Variants in CLSTN2 observed in about 807,000 individuals in gnomAD.
CLSTN2 encodes the protein calsyntenin-2.
Under a neutral mutation model 101.2 loss-of-function variants are expected in CLSTN2, and 48 were observed. The ratio of observed to expected loss-of-function variants is 0.47; its 90% CI spans 0.38 to 0.60. The LOEUF (loss-of-function observed/expected upper bound fraction) is 0.60. Among genes scored for constraint, CLSTN2 ranks in the 20% least tolerant of loss-of-function variants. The probability of loss-of-function intolerance (pLI) is 0.00; values close to 1 mark genes in which losing one functional copy is unlikely to be tolerated. For synonymous variants in CLSTN2, 481 were observed against 463.6 expected (o/e 1.04, Z -0.48); for missense variants, 1,160 against 1,238.2 (o/e 0.94, Z 0.95).
chr3:140,117,027 T>C (rs570104630), intron 1 of CLSTN2, among the ~76,000 whole-genome samples: 1 of 152,292 alleles, frequency 6.6e-6, no homozygotes, highest in Non-Finnish European at 1.5e-5. Flanking sequence ...TGCTCTGCTG[T>C]TCCGGGCTGG....
chr3:140,369,327 A>G (rs2087825861), intron 2 of CLSTN2, among the ~76,000 whole-genome samples: 1 of 152,238 alleles, frequency 6.6e-6, no homozygotes, highest in Non-Finnish European at 1.5e-5. Context: ...ATAAGAAAAT[A>G]AGAGATAGTT....
chr3:140,526,607 AC>A (rs1365798927), intron 8 of CLSTN2, among the ~76,000 whole-genome samples: 57 of 150,424 alleles, frequency 3.8e-4, no homozygotes, highest in Admixed American at 2.7e-3. Context: ...AAAAAAAAAA[AC>A]AACCACAGCA....
Position 140,100,201 on chromosome 3 carries a change from C to T in CLSTN2, c.110-75750C>T, listed in dbSNP as rs187251451. Among the ~76,000 whole-genome samples the T allele has an allele frequency of 7.4e-5, 11 of 147,958 alleles. No homozygotes were observed. In the East Asian group the frequency reaches 2.2e-3, roughly 29 times the overall value. ...TTGTAAATTCCTTTTTTCTGAAAGT[C>T]CTAACCGTCTATTTATCCTGATGAC... On this transcript the variant is annotated intron_variant, in intron 1 of 16. Transcript: ENST00000458420.
intron 9 of CLSTN2, among the ~76,000 whole-genome samples, chr3:140,536,694 G>A (rs957571668): frequency 6.6e-6 from 1 of 152,182 alleles, no homozygotes; most frequent in Non-Finnish European, 1.5e-5. Flanking sequence ...TGAATTTTCA[G>A]CAGAGGAAAA....
intron 2 of CLSTN2, among the ~76,000 whole-genome samples, chr3:140,203,758 G>T (rs540197051): frequency 6.6e-6 from 1 of 152,282 alleles, no homozygotes; most frequent in South Asian, 2.1e-4. Context: ...GTTTTGGAGA[G>T]ATTCCAGGGA....
At chr3:140,111,040 A>C (rs1355437715) in intron 1 of CLSTN2, among the ~76,000 whole-genome samples, 1 of 152,198 alleles carries the variant, frequency 6.6e-6, no homozygotes, top group Non-Finnish European at 1.5e-5. Flanking sequence ...TCAGGAGAAG[A>C]AGCTGCACAT....
At chr3:140,439,309 C>T (rs1157543377) in intron 5 of CLSTN2, among the ~76,000 whole-genome samples, 2 of 152,196 alleles carry the variant, frequency 1.3e-5, no homozygotes, top group Non-Finnish European at 2.9e-5. Flanking sequence ...GGAGGAGGGC[C>T]TGACATAAGC....
At chr3:140,111,670 G>T (rs756091641) in intron 1 of CLSTN2, among the ~76,000 whole-genome samples, 9 of 152,076 alleles carry the variant, frequency 5.9e-5, no homozygotes, top group Non-Finnish European at 2.9e-5. Context: ...TATACCCCAT[G>T]TGTTCCTGGG....
chr3:140,137,024 G>T (rs2009625636), intron 1 of CLSTN2, among the ~76,000 whole-genome samples: 1 of 152,098 alleles, frequency 6.6e-6, no homozygotes, highest in Non-Finnish European at 1.5e-5. Flanking sequence ...AGATTATATT[G>T]GAGGTTGAAG....
At chr3:140,552,163 G>A (rs972280312) in intron 10 of CLSTN2, among the ~76,000 whole-genome samples, 3 of 152,154 alleles carry the variant, frequency 2.0e-5, no homozygotes, top group East Asian at 3.9e-4. Flanking sequence ...GATGCCAGTC[G>A]AATCTCTAAG....
chr3:140,495,538 A>G (rs1274726504), intron 8 of CLSTN2, among the ~76,000 whole-genome samples: 3 of 152,148 alleles, frequency 2.0e-5, no homozygotes, highest in South Asian at 2.1e-4. Context: ...ATCTTTGCCC[A>G]TGACTATGTC....
intron 6 of CLSTN2, chr3:140,449,675 T>C (rs1409771858): frequency 6.6e-6 from 1 of 152,244 alleles, no homozygotes; most frequent in Non-Finnish European, 1.5e-5. Flanking sequence ...AAGATTATCA[T>C]GAAGACTGAG....
chr3:140,172,020 G>A (rs927031713), intron 1 of CLSTN2, among the ~76,000 whole-genome samples: 1 of 148,542 alleles, frequency 6.7e-6, no homozygotes, highest in Non-Finnish European at 1.5e-5. Flanking sequence ...ACGCTTTGTG[G>A]AGGTAGTTTA....
At chr3:140,076,178 C>G (rs929945289) in intron 1 of CLSTN2, among the ~76,000 whole-genome samples, 1 of 152,156 alleles carries the variant, frequency 6.6e-6, no homozygotes, top group Non-Finnish European at 1.5e-5. Flanking sequence ...CTGTGATGGG[C>G]TTGTTTCACT....
intron 1 of CLSTN2, among the ~76,000 whole-genome samples, chr3:139,978,971 A>G (rs1576384216): frequency 6.6e-6 from 1 of 152,322 alleles, no homozygotes; most frequent in East Asian, 1.9e-4. Context: ...CTATGTGCCT[A>G]TAGAACTTTG....
At position 140,562,924 on chromosome 3, in the gene CLSTN2, G is replaced by A. The variant is rs778297542; in HGVS notation, c.2326G>A (p.Gly776Arg). ...CCGGATTAAGTGCTCAGAACTCAAT[G>A]GGCGCTACACTAGCAATGAGTTCAA... ...RFRIKCSELN[G>R]RYTSNEFNLE... is the part of the protein sequence containing the mutation. Residue 776 changes from glycine to arginine, a missense_variant, in exon 14 of 17, where the codon GGG becomes AGG. By Grantham distance (125) the Gly-to-Arg change is moderately radical. Coordinates refer to ENST00000458420, the MANE Select transcript of CLSTN2 (RefSeq NM_022131.3). 1.2e-6 allele frequency: 2 copies of A among 1,614,160 alleles called. No homozygotes were observed. Among genetic ancestry groups the A allele is most frequent in the Admixed American group, 1.7e-5 (1 of 60,026 alleles).
intron 10 of CLSTN2, among the ~76,000 whole-genome samples, chr3:140,553,738 G>C (rs1935750181): frequency 6.6e-6 from 1 of 152,168 alleles, no homozygotes; most frequent in Non-Finnish European, 1.5e-5. Flanking sequence ...CCTCAGCTCA[G>C]AATTGCCACA....
chr3:140,432,844 A>T (rs1003146709), intron 5 of CLSTN2, among the ~76,000 whole-genome samples: 2 of 152,204 alleles, frequency 1.3e-5, no homozygotes, highest in African/African-American at 4.8e-5. Context: ...ACTCAATAAT[A>T]ATAACAGTAA....
chr3:140,564,189 C>G, intron 16 of CLSTN2, 44 bp downstream of exon 16: 2 of 1,584,858 alleles, frequency 1.3e-6, no homozygotes, highest in South Asian at 1.1e-5. Context: ...GGGTGCTTCT[C>G]CCTCTACCCA....
Sources: allele counts gnomAD v4.1 joint callset (sites outside exome capture counted in the v4.1 genomes callset), GRCh38; gene constraint gnomAD v4.1.1; transcripts MANE v1.5; gene names NCBI Gene and HGNC (gene_info 2026-07-23, HGNC 2026-07-21).